Variants in PTGES3 observed in about 807,000 individuals in gnomAD.
PTGES3 encodes prostaglandin E synthase 3.
A neutral mutation model predicts 29.9 loss-of-function variants in PTGES3; 5 were observed. The observed-to-expected ratio is 0.17, with a 90% CI of 0.09 to 0.35. The LOEUF (loss-of-function observed/expected upper bound fraction) is 0.35, where lower values mean the gene tolerates loss of function less well. PTGES3 is among the 10% of genes least tolerant of loss of function. The pLI is 1.00. For synonymous variants in PTGES3, 49 were observed against 57.8 expected (o/e 0.85, Z 0.69); for missense variants, 128 against 190.0 (o/e 0.67, Z 1.92).
rs1951772859 is a variant in PTGES3 at position 56,666,049 on chromosome 12, CAAAA to C, written c.438+151_438+154del. 4 of 1,394,074 alleles carry C rather than the reference CAAAA, an allele frequency of 2.9e-6. No individual in the cohort carries two copies. The African/African-American group carries it at 5.9e-5, about 21-fold the overall frequency. 86.4% of individuals were successfully genotyped at this position (1,394,074 alleles called of 1,614,324 possible). ...TTCCCTAATAGATACCCCCATTCGT[CAAAA>C]ATGGGCACATTTTAAAAATTGCTTT... On this transcript the variant is annotated intron_variant, in intron 6 of 7. Coordinates refer to ENST00000262033, the MANE Select transcript of PTGES3 (RefSeq NM_006601.7).
At position 56,688,190 on chromosome 12, in the gene PTGES3, A is replaced by C. The variant is rs1002228075; in HGVS notation, c.-191T>G. On this transcript the variant is annotated 5_prime_UTR_variant, in exon 1 of 8. Transcript: ENST00000262033. The stretch of plus-strand genomic sequence containing the variant: ...GCCCCAGAATGCACCGCGCGGAAAG[A>C]GCGGCTCCTCCGGTCGGGGAGAAGA... 35 of 1,042,806 alleles carry C rather than the reference A, an allele frequency of 3.4e-5. No homozygotes were observed. The highest frequency in any genetic ancestry group is 3.0e-4 in the Admixed American group (8 of 26,518). The allele number at this position is 1,042,806 out of a possible 1,614,324, so 64.6% of individuals were successfully genotyped here.
chr12:56,666,988 C>T (rs370540650), intron 5 of PTGES3, among the ~76,000 whole-genome samples: 14 of 151,768 alleles, frequency 9.2e-5, no homozygotes, highest in African/African-American at 3.1e-4. Context: ...AGCACAATCT[C>T]GGCTCACTGC....
In PTGES3 at chr12:56,663,679, CCCGGG is replaced by C. The variant is rs1292034475; in HGVS notation, c.*795_*799del. On this transcript the variant is annotated 3_prime_UTR_variant, in exon 8 of 8. Transcript: ENST00000262033. ...CATGAACATAAATTGAGGTTTTCAG[CCCGGG>C]TATAAGCTGAATCAAAAAAAGGAAA... The C allele has an allele frequency of 6.6e-6, 1 of 152,064 alleles. No individual in the cohort carries two copies. Among genetic ancestry groups the C allele is most frequent in the Non-Finnish European group, 1.5e-5 (1 of 67,898 alleles). 9.4% of individuals were successfully genotyped at this position (152,064 alleles called of 1,614,324 possible).
rs1480727732 is a variant in PTGES3, at chr12:56,670,241, T to C, written c.375+34A>G. The C allele has an allele frequency of 4.2e-6, 6 of 1,434,412 alleles. No homozygotes were observed. In the East Asian group the frequency reaches 1.4e-4, roughly 33 times the overall value. The allele number at this position is 1,434,412 out of a possible 1,614,324, so 88.9% of individuals were successfully genotyped here. ...ACTACATAGACAGGTACCGTGTGCTTCGAATGGGGAGAGGTCCATTTAAAG... is the reference window on the plus strand; with the variant it reads ...ACTACATAGACAGGTACCGTGTGCTCCGAATGGGGAGAGGTCCATTTAAAG... On this transcript the variant is annotated intron_variant, in intron 5 of 7. Coordinates refer to ENST00000262033, the MANE Select transcript of PTGES3 (RefSeq NM_006601.7).
In PTGES3 at chr12:56,664,698, G is replaced by C. The variant is rs1038620285; in HGVS notation, c.463+78C>G. 3.3e-6 allele frequency: 5 copies of C among 1,506,672 alleles called. No individual in the cohort carries two copies. The East Asian group carries it at 1.1e-4, about 34-fold the overall frequency. The allele number at this position is 1,506,672 out of a possible 1,614,324, so 93.3% of individuals were successfully genotyped here. On this transcript the variant is annotated intron_variant, in intron 7 of 7. Coordinates refer to ENST00000262033, the MANE Select transcript of PTGES3 (RefSeq NM_006601.7). ...AAGAAAAAATTACTTTACTTCCAAA[G>C]AAGTTAACATCTCTATTTTGAGTTT...
intron 5 of PTGES3, among the ~76,000 whole-genome samples, chr12:56,668,952 C>G (rs1951887327): frequency 6.7e-6 from 1 of 150,152 alleles, no homozygotes; most frequent in Non-Finnish European, 1.5e-5. Context: ...TCTTAGAAAA[C>G]AGACTTTCTT....
intron 4 of PTGES3, 28 bp from the exon 5 acceptor site, chr12:56,670,392 A>C (rs761516891): frequency 4.7e-6 from 7 of 1,500,842 alleles, no homozygotes; most frequent in Non-Finnish European, 5.6e-6. Context: ...TATCACCCTA[A>C]GATTAGGCTA....
At chr12:56,683,544 A>C (rs570820779) in intron 1 of PTGES3, among the ~76,000 whole-genome samples, 1 of 147,432 alleles carries the variant, frequency 6.8e-6, no homozygotes, top group African/African-American at 2.5e-5. Flanking sequence ...CCAGCTACTC[A>C]GGAAGCTGAG....
At chr12:56,668,530 G>GGA (rs1038086303) in intron 5 of PTGES3, among the ~76,000 whole-genome samples, 1 of 152,204 alleles carries the variant, frequency 6.6e-6, no homozygotes, top group Non-Finnish European at 1.5e-5. Context: ...CTTGAGCTCA[G>GGA]GAGTTCAAGA....
intron 1 of PTGES3, among the ~76,000 whole-genome samples, chr12:56,679,094 G>C (rs1952402803): frequency 6.6e-6 from 1 of 152,098 alleles, no homozygotes; most frequent in Admixed American, 6.6e-5. Context: ...TCCAGCCTGG[G>C]CCACATAGCA....
chr12:56,674,825 CAAAAAAA>C (rs869222252), intron 1 of PTGES3, among the ~76,000 whole-genome samples: 13 of 16,110 alleles, frequency 8.1e-4, no homozygotes, highest in South Asian at 0.011. Flanking sequence ...GACTCCATCT[CAAAAAAA>C]AAAAAAAAAA....
At chr12:56,674,865 G>T (rs1458606117) in intron 1 of PTGES3, among the ~76,000 whole-genome samples, 1 of 116,676 alleles carries the variant, frequency 8.6e-6, no homozygotes, top group African/African-American at 3.3e-5. Flanking sequence ...TTCGCCAGGC[G>T]TGGTGGTGCA....
At chr12:56,687,833 C>G (rs1952955352) in intron 1 of PTGES3, 165 bp downstream of exon 1, 3 of 1,464,204 alleles carry the variant, frequency 2.0e-6, no homozygotes, top group African/African-American at 2.9e-5. Flanking sequence ...AAAATGTCCT[C>G]CACCCGCCAA....
intron 1 of PTGES3, among the ~76,000 whole-genome samples, chr12:56,677,307 C>T (rs2137666025): frequency 6.6e-6 from 1 of 151,962 alleles, no homozygotes; most frequent in Non-Finnish European, 1.5e-5. Context: ...CAGCTTTCAC[C>T]TTTGTATCTT....
At position 56,663,526 on chromosome 12, in the gene PTGES3, A is replaced by G. The variant is rs1398707228; in HGVS notation, c.*953T>C. 3 of 152,374 alleles carry G rather than the reference A, an allele frequency of 2.0e-5. No homozygotes were observed. Among genetic ancestry groups the G allele is most frequent in the Non-Finnish European group, 4.4e-5 (3 of 67,994 alleles). 9.4% of individuals were successfully genotyped at this position (152,374 alleles called of 1,614,324 possible). A position where few individuals can be genotyped will look rare whatever the true frequency, so the allele number is the denominator to read the frequency against. The stretch of plus-strand genomic sequence containing the variant: ...GGAATAATCCCAAATTCTTCCTCAA[A>G]TAAACTCCATTCCAGTAAATGGTAA... On this transcript the variant is annotated 3_prime_UTR_variant, in exon 8 of 8. Transcript: ENST00000262033.
chr12:56,678,530 G>A (rs1433691548), intron 1 of PTGES3, among the ~76,000 whole-genome samples: 1 of 152,164 alleles, frequency 6.6e-6, no homozygotes, highest in African/African-American at 2.4e-5. Context: ...CTATCAAATG[G>A]ATTAAAATAA....
intron 5 of PTGES3, 54 bp downstream of exon 5, chr12:56,670,217 CTACA>C (rs1453359490): frequency 3.4e-6 from 4 of 1,165,476 alleles, no homozygotes; most frequent in African/African-American, 1.5e-5. Context: ...ATTAAATTGA[CTACA>C]TAGACAGGTA....
In PTGES3 at chr12:56,666,087, CT is replaced by C. The variant is rs542812831; in HGVS notation, c.438+116del. 769 of 1,380,498 alleles carry C rather than the reference CT, an allele frequency of 5.6e-4. No homozygotes were observed. In the African/African-American group the frequency reaches 5.8e-3, roughly 10 times the overall value. The allele number at this position is 1,380,498 out of a possible 1,614,324, so 85.5% of individuals were successfully genotyped here. On this transcript the variant is annotated intron_variant, in intron 6 of 7. Transcript: ENST00000262033. ...ATTTTAAAAATTGCTTTTCCCTTTT[CT>C]TTTTTTTTAGAAAATAAGAAGTAAT...
chr12:56,687,947 G>GCGGCCT (rs1952961899), intron 1 of PTGES3, 51 bp downstream of exon 1: 1 of 1,603,736 alleles, frequency 6.2e-7, no homozygotes, highest in Non-Finnish European at 8.5e-7. Flanking sequence ...AGCCCCCAAC[G>GCGGCCT]CGGCCTCGGC....
Sources: allele counts gnomAD v4.1 joint callset (sites outside exome capture counted in the v4.1 genomes callset), GRCh38; gene constraint gnomAD v4.1.1; transcripts MANE v1.5; gene names NCBI Gene and HGNC (gene_info 2026-07-23, HGNC 2026-07-21).